The following CPLX1 variants were observed in gnomAD, a reference collection of about 807,000 sequenced individuals.
CPLX1 encodes the protein complexin-1.
In CPLX1, 6 loss-of-function variants were observed where a neutral mutation model predicts 15.6. The ratio of observed to expected loss-of-function variants is 0.39; its 90% CI spans 0.21 to 0.76. The LOEUF (loss-of-function observed/expected upper bound fraction) is 0.76. Among genes scored for constraint, CPLX1 ranks in the 30% least tolerant of loss-of-function variants. The pLI is 0.43. For missense variants in CPLX1, 242 were observed against 188.6 expected (o/e 1.28, Z -1.66); for synonymous variants, 91 against 75.2 (o/e 1.21, Z -1.08).
intron 2 of CPLX1, among the ~76,000 whole-genome samples, chr4:822,215 T>A (rs574086444): frequency 1.3e-5 from 2 of 151,508 alleles, no homozygotes; most frequent in Admixed American, 1.3e-4. Flanking sequence ...TCTCTATCTC[T>A]CTAACTCTCT....
chr4:792,620 G>A lies in CPLX1; in HGVS notation c.32-12C>T, dbSNP rs1230788718. On this transcript the variant is annotated splice_polypyrimidine_tract_variant and intron_variant, in intron 2 of 3. Coordinates refer to ENST00000304062, the MANE Select transcript of CPLX1 (RefSeq NM_006651.4). ...GTCCTTGGTGGCCCCTGGTACAGAA[G>A]TTGGTGATTCAGACCGCCCCATTCA... is the stretch of plus-strand genomic sequence containing the variant. 1 of 1,607,862 alleles carries A rather than the reference G, an allele frequency of 6.2e-7. No homozygotes were observed.
chr4:819,913 C>T (rs919097966), intron 2 of CPLX1, among the ~76,000 whole-genome samples: 1 of 152,224 alleles, frequency 6.6e-6, no homozygotes, highest in Non-Finnish European at 1.5e-5. Context: ...ACGAAGGTGG[C>T]ACCTGATGGC....
intron 2 of CPLX1, among the ~76,000 whole-genome samples, chr4:818,113 C>T (rs192819161): frequency 6.6e-6 from 1 of 152,368 alleles, no homozygotes; most frequent in Non-Finnish European, 1.5e-5. Flanking sequence ...AAGCCCACAC[C>T]CCTCCTGAGA....
At chr4:793,386 C>T (rs1050591124) in intron 2 of CPLX1, among the ~76,000 whole-genome samples, 7 of 152,122 alleles carry the variant, frequency 4.6e-5, no homozygotes, top group Non-Finnish European at 8.8e-5. Context: ...AATTGCTCTG[C>T]GGTGCTAGTC....
At chr4:815,470 T>C (rs1746735119) in intron 2 of CPLX1, among the ~76,000 whole-genome samples, 1 of 146,884 alleles carries the variant, frequency 6.8e-6, no homozygotes, top group Non-Finnish European at 1.5e-5. Flanking sequence ...AGAAGTGTAA[T>C]CGCAGTGCAC....
At chr4:794,710 C>T (rs960406293) in intron 2 of CPLX1, among the ~76,000 whole-genome samples, 1 of 152,226 alleles carries the variant, frequency 6.6e-6, no homozygotes, top group Non-Finnish European at 1.5e-5. Flanking sequence ...GGCTCTTTCT[C>T]CCTCCTGGAA....
At chr4:794,097 T>C (rs1746264529) in intron 2 of CPLX1, among the ~76,000 whole-genome samples, 1 of 152,272 alleles carries the variant, frequency 6.6e-6, no homozygotes, top group Admixed American at 6.5e-5. Context: ...GTGCTGCCTC[T>C]GCCAGTCACT....
intron 2 of CPLX1, among the ~76,000 whole-genome samples, chr4:793,752 G>A (rs1427603937): frequency 6.6e-6 from 1 of 152,238 alleles, no homozygotes; most frequent in Admixed American, 6.5e-5. Flanking sequence ...CCCCTCTCGA[G>A]GTGCTCCTCA....
intron 3 of CPLX1, among the ~76,000 whole-genome samples, chr4:790,037 ACC>A (rs750956852): frequency 1.5e-5 from 1 of 67,190 alleles, no homozygotes; most frequent in African/African-American, 1.0e-4. Context: ...GGGTTCCCCC[ACC>A]CCCCAAAGGC....
intron 2 of CPLX1, among the ~76,000 whole-genome samples, chr4:809,783 C>T (rs1560244271): frequency 6.8e-6 from 1 of 147,806 alleles, no homozygotes; most frequent in South Asian, 2.3e-4. Flanking sequence ...CAGCCACTGA[C>T]CTACTTCCTG....
At chr4:819,556 T>TA (rs1461764671) in intron 2 of CPLX1, among the ~76,000 whole-genome samples, 1 of 152,160 alleles carries the variant, frequency 6.6e-6, no homozygotes, top group African/African-American at 2.4e-5. Flanking sequence ...TTCCAAGGAG[T>TA]AAGGCTGGGA....
intron 2 of CPLX1, among the ~76,000 whole-genome samples, chr4:805,587 G>A (rs545390113): frequency 2.6e-5 from 4 of 152,300 alleles, no homozygotes; most frequent in Non-Finnish European, 4.4e-5. Flanking sequence ...ATGATCTAGC[G>A]ATTCCATTTC....
rs187153836 is a variant in CPLX1, at chr4:786,510, G to C, written c.396C>G (p.Leu132=). The change falls in exon 4 of 4, where the codon CTC becomes CTG. Residue 132 remains leucine (L), a synonymous_variant. Transcript: ENST00000304062. ...GCTGTCCCGCGCGCGGCTACTTCTT[G>C]AGCATGTCCTGCAGCGGCCCGGGCA... ...KYLPGPLQDM[L]KK The C allele has an allele frequency of 8.8e-5, 140 of 1,586,964 alleles. No homozygotes were observed. The African/African-American group carries it at 1.5e-3, about 17-fold the overall frequency.
intron 2 of CPLX1, among the ~76,000 whole-genome samples, chr4:823,388 G>T (rs1746908586): frequency 6.6e-6 from 1 of 152,112 alleles, no homozygotes; most frequent in Non-Finnish European, 1.5e-5. Flanking sequence ...CTCCTGCCCT[G>T]GGGGAAGCGG....
intron 1 of CPLX1, among the ~76,000 whole-genome samples, chr4:825,723 C>T (rs1353635101): frequency 5.4e-5 from 8 of 148,602 alleles, no homozygotes; most frequent in Non-Finnish European, 7.5e-5. Flanking sequence ...ACAGCGCCCG[C>T]CCCGGACCCC....
intron 2 of CPLX1, among the ~76,000 whole-genome samples, chr4:797,951 A>G (rs1746376833): frequency 1.3e-5 from 2 of 151,648 alleles, no homozygotes; most frequent in East Asian, 2.0e-4. Context: ...AAGACTTACT[A>G]TAATCAAGGC....
chr4:821,676 C>T (rs1213193848), intron 2 of CPLX1, among the ~76,000 whole-genome samples: 6 of 152,178 alleles, frequency 3.9e-5, no homozygotes, highest in South Asian at 2.1e-4. Context: ...TCCGGACCCA[C>T]GTGTTGTGGG....
At chr4:803,203 G>T (rs1399330401) in intron 2 of CPLX1, among the ~76,000 whole-genome samples, 1 of 152,238 alleles carries the variant, frequency 6.6e-6, no homozygotes. Flanking sequence ...CAGTAAATCT[G>T]CCTGCAGTAA....
intron 3 of CPLX1, chr4:787,697 T>C: frequency 1.0e-6 from 1 of 985,240 alleles, no homozygotes; most frequent in Non-Finnish European, 1.2e-6. Context: ...ATTTTGTTCT[T>C]CTGCCCTCCA....
Sources: allele counts gnomAD v4.1 joint callset (sites outside exome capture counted in the v4.1 genomes callset), GRCh38; gene constraint gnomAD v4.1.1; transcripts MANE v1.5; gene names NCBI Gene and HGNC (gene_info 2026-07-23, HGNC 2026-07-21).